The following RIMS1 variants were observed in gnomAD, a reference collection of about 807,000 sequenced individuals.
The protein encoded by RIMS1 is regulating synaptic membrane exocytosis protein 1.
A neutral mutation model predicts 214.1 loss-of-function variants in RIMS1; 83 were observed. The observed-to-expected ratio is 0.39, with a 90% CI of 0.32 to 0.47. The LOEUF (loss-of-function observed/expected upper bound fraction) is 0.47, where lower values mean the gene tolerates loss of function less well. RIMS1 is among the 20% of genes least tolerant of loss of function. RIMS1 has a pLI of 0.99. For missense variants in RIMS1, 2,050 were observed against 2,161.8 expected, an observed-to-expected ratio of 0.95 and a Z score of 1.03; for synonymous variants, 793 against 786.8, an observed-to-expected ratio of 1.01 and a Z score of -0.13.
At chr6:71,979,371 A>G (rs1584021241) in intron 2 of RIMS1, among the ~76,000 whole-genome samples, 1 of 152,156 alleles carries the variant, frequency 6.6e-6, no homozygotes, top group East Asian at 1.9e-4. Context: ...ACAAAACATG[A>G]CCTATGTTAG....
At chr6:72,219,677 T>TTG (rs1554287216) in intron 6 of RIMS1, among the ~76,000 whole-genome samples, 3 of 151,516 alleles carry the variant, frequency 2.0e-5, no homozygotes, top group African/African-American at 7.3e-5. Flanking sequence ...GAGGGTTTTT[T>TTG]TTTGTTTGTT....
chr6:72,100,127 G>T, intron 4 of RIMS1, 141 bp downstream of exon 4: 1 of 686,164 alleles, frequency 1.5e-6, no homozygotes, highest in Non-Finnish European at 2.5e-6. Context: ...CAGCTCTCAT[G>T]AAAAAAATAA....
chr6:72,124,062 T>A (rs1230464842), intron 4 of RIMS1, among the ~76,000 whole-genome samples: 1 of 151,828 alleles, frequency 6.6e-6, no homozygotes, highest in Non-Finnish European at 1.5e-5. Context: ...AGTTTCTTCC[T>A]AGCATCAATG....
At chr6:72,304,463 A>G (rs1444954185) in intron 26 of RIMS1, among the ~76,000 whole-genome samples, 1 of 151,810 alleles carries the variant, frequency 6.6e-6, no homozygotes, top group Non-Finnish European at 1.5e-5. Flanking sequence ...TATTCTCCAT[A>G]TAAATCATAT....
chr6:72,171,664 G>A (rs138787210), intron 4 of RIMS1, among the ~76,000 whole-genome samples: 285 of 152,268 alleles, frequency 1.9e-3, no homozygotes, highest in African/African-American at 6.5e-3. Context: ...TGGCCTGAGT[G>A]AATTGCAAGT....
chr6:71,956,996 T>C (rs1428089388), intron 1 of RIMS1, among the ~76,000 whole-genome samples: 1 of 152,216 alleles, frequency 6.6e-6, no homozygotes. Context: ...AAGCCATTCA[T>C]AGATAATTTG....
At chr6:72,109,180 T>C (rs1245287035) in intron 4 of RIMS1, among the ~76,000 whole-genome samples, 2 of 152,202 alleles carry the variant, frequency 1.3e-5, no homozygotes, top group Non-Finnish European at 1.5e-5. Flanking sequence ...TGTGTCTTCA[T>C]AGCAGAATGA....
At position 72,159,506 on chromosome 6, in the gene RIMS1, G is replaced by C. The variant is rs1316869386; in HGVS notation, c.472-20069G>C. On this transcript the variant is annotated intron_variant, in intron 4 of 33. Transcript: ENST00000521978. ...TGGTATTGCCTACGTTTTCTTGTAG[G>C]GTTTTTATGGTTCTAGGTCTAACAT... Among the ~76,000 whole-genome samples the C allele has an allele frequency of 1.4e-5, 2 of 140,496 alleles. 1 individual carries two copies. The highest frequency in any genetic ancestry group is 3.2e-5 in the Non-Finnish European group (2 of 61,832). The allele number at this position is 140,496 out of a possible 152,430, so 92.2% of individuals were successfully genotyped here.
In RIMS1 at chr6:71,889,899, C is replaced by T. The variant is rs1044979637; in HGVS notation, c.164+2712C>T. On this transcript the variant is annotated intron_variant, in intron 1 of 33. Coordinates refer to ENST00000521978, the MANE Select transcript of RIMS1 (RefSeq NM_014989.7). Reference sequence around the variant, plus strand: ...CATCTGAGAAATTACTTTCACAAAACGCTCTACAAAGCTTAAGTTCTGGCA... The same window carrying T: ...CATCTGAGAAATTACTTTCACAAAATGCTCTACAAAGCTTAAGTTCTGGCA... Among the ~76,000 whole-genome samples, 128 of 152,276 alleles carry T rather than the reference C, an allele frequency of 8.4e-4. 1 individual carries two copies. The highest frequency in any genetic ancestry group is 2.7e-3 in the African/African-American group (114 of 41,546).
chr6:72,166,044 C>G (rs970305977), intron 4 of RIMS1, among the ~76,000 whole-genome samples: 1 of 152,132 alleles, frequency 6.6e-6, no homozygotes, highest in Admixed American at 6.5e-5. Flanking sequence ...AAATTATTTT[C>G]TCACAGTTCT....
chr6:72,062,614 A>G (rs377386212), intron 2 of RIMS1, among the ~76,000 whole-genome samples: 2 of 152,226 alleles, frequency 1.3e-5, no homozygotes, highest in East Asian at 3.8e-4. Context: ...AAGTGAGAAG[A>G]CAGGTATAAT....
At chr6:72,371,245 A>G (rs753674287) in intron 29 of RIMS1, among the ~76,000 whole-genome samples, 13 of 152,108 alleles carry the variant, frequency 8.5e-5, no homozygotes, top group African/African-American at 1.4e-4. Flanking sequence ...TATTTCACCT[A>G]TGTGTGACAT....
At chr6:71,910,553 C>G (rs1188461918) in intron 1 of RIMS1, among the ~76,000 whole-genome samples, 1 of 152,128 alleles carries the variant, frequency 6.6e-6, no homozygotes, top group Non-Finnish European at 1.5e-5. Flanking sequence ...CTTTCTAGGT[C>G]TTATCAAAGC....
chr6:72,170,319 C>T (rs892563529), intron 4 of RIMS1, among the ~76,000 whole-genome samples: 1 of 152,124 alleles, frequency 6.6e-6, no homozygotes, highest in Admixed American at 6.6e-5. Context: ...TATAATACCA[C>T]TTATGTTTAC....
chr6:72,255,865 A>T (rs2154147073), intron 16 of RIMS1, among the ~76,000 whole-genome samples: 1 of 152,092 alleles, frequency 6.6e-6, no homozygotes, highest in Middle Eastern at 3.4e-3. Context: ...GTGAAATTTC[A>T]TCTCTACTAA....
At chr6:72,290,655 T>G in intron 24 of RIMS1, 24 bp from the exon 25 acceptor site, 4 of 1,603,536 alleles carry the variant, frequency 2.5e-6, no homozygotes, top group Non-Finnish European at 3.4e-6. Flanking sequence ...TGACTGAAGA[T>G]CTTTTTTGGC....
chr6:72,127,749 T>G (rs1394032981), intron 4 of RIMS1, among the ~76,000 whole-genome samples: 1 of 152,190 alleles, frequency 6.6e-6, no homozygotes, highest in African/African-American at 2.4e-5. Flanking sequence ...AGAAATCTTC[T>G]CCATGAAGGT....
At chr6:72,210,564 A>G (rs192895937) in intron 6 of RIMS1, among the ~76,000 whole-genome samples, 7 of 152,348 alleles carry the variant, frequency 4.6e-5, no homozygotes, top group South Asian at 2.1e-4. Context: ...TGTATGTTCT[A>G]CTTAGTGCGG....
rs544946994 is a variant in RIMS1 at position 72,191,863 on chromosome 6, C to T, written c.1678+8714C>T. On this transcript the variant is annotated intron_variant, in intron 6 of 33. Coordinates refer to ENST00000521978, the MANE Select transcript of RIMS1 (RefSeq NM_014989.7). ...GCACAGGCCAAATAGGAGAGTTGAA[C>T]GGGGATGTGGTGGGCATCACCACCC... 5.3e-5 allele frequency among the ~76,000 whole-genome samples: 8 copies of T among 152,248 alleles called. No individual in the cohort carries two copies. The South Asian group carries it at 1.0e-3, about 20-fold the overall frequency.
Sources: gnomAD v4.1 joint callset for allele counts (sites outside exome capture counted in the v4.1 genomes callset) on GRCh38, gnomAD v4.1.1 for gene constraint, MANE v1.5 for transcripts, NCBI Gene and HGNC (gene_info 2026-07-23, HGNC 2026-07-21) for gene names.